The following TPRG1 variants were observed in gnomAD, a reference collection of about 807,000 sequenced individuals.
TPRG1 encodes tumor protein p63-regulated gene 1 protein.
Under a neutral mutation model 29.3 loss-of-function variants are expected in TPRG1, and 29 were observed. The observed-to-expected ratio is 0.99, with a 90% CI of 0.74 to 1.35. The LOEUF (loss-of-function observed/expected upper bound fraction) is 1.35, where lower values mean the gene tolerates loss of function less well. TPRG1 is among the 40% of genes most tolerant of loss of function. The probability of loss-of-function intolerance (pLI) is 0.00; values close to 1 mark genes in which losing one functional copy is unlikely to be tolerated. For synonymous variants in TPRG1, 130 were observed against 116.8 expected, an observed-to-expected ratio of 1.11 and a Z score of -0.73; for missense variants, 327 against 335.0, an observed-to-expected ratio of 0.98 and a Z score of 0.19.
At chr3:189,024,227 C>T (rs1051286816) in intron 4 of TPRG1, among the ~76,000 whole-genome samples, 1 of 152,164 alleles carries the variant, frequency 6.6e-6, no homozygotes, top group African/African-American at 2.4e-5. Context: ...GAGAACCTTC[C>T]CCGTGAGGAG....
chr3:189,037,522 G>A (rs539214070), intron 4 of TPRG1, among the ~76,000 whole-genome samples: 274 of 151,990 alleles, frequency 1.8e-3, no homozygotes, highest in Non-Finnish European at 3.3e-3. Context: ...ACAACTTTCA[G>A]TAAGTATTTT....
chr3:189,251,892 T>G (rs543071496), intron 4 of TPRG1, among the ~76,000 whole-genome samples: 1 of 152,154 alleles, frequency 6.6e-6, no homozygotes, highest in Non-Finnish European at 1.5e-5. Flanking sequence ...CTTCCTCTTA[T>G]ACTAATCCTC....
At chr3:189,270,473 G>T (rs909601690) in intron 4 of TPRG1, among the ~76,000 whole-genome samples, 4 of 152,210 alleles carry the variant, frequency 2.6e-5, no homozygotes, top group African/African-American at 4.8e-5. Context: ...TGGCAGTGCT[G>T]GAGGCTGCAG....
At chr3:189,205,464 A>C (rs55968275) in intron 1 of TPRG1, among the ~76,000 whole-genome samples, 9,269 of 152,270 alleles carry the variant, frequency 0.061, 728 homozygotes, top group African/African-American at 0.18. Context: ...AAAATTAGCT[A>C]ATAAATTATA....
chr3:189,184,156 G>C (rs1730606342), intron 1 of TPRG1, among the ~76,000 whole-genome samples: 1 of 152,068 alleles, frequency 6.6e-6, no homozygotes, highest in Admixed American at 6.6e-5. Flanking sequence ...GATGAACTTA[G>C]AGCTCTATCA....
At chr3:189,081,035 A>C (rs1469971654) in intron 4 of TPRG1, among the ~76,000 whole-genome samples, 1 of 152,098 alleles carries the variant, frequency 6.6e-6, no homozygotes, top group Admixed American at 6.6e-5. Context: ...CTCTTTATAG[A>C]AGATGAAGGT....
intron 4 of TPRG1, among the ~76,000 whole-genome samples, chr3:189,087,404 T>C (rs1366638777): frequency 6.6e-6 from 1 of 152,212 alleles, no homozygotes; most frequent in Non-Finnish European, 1.5e-5. Context: ...TTCTGGATAT[T>C]AGCCCTTTGT....
chr3:189,287,818 G>A (rs1718325571), intron 4 of TPRG1, among the ~76,000 whole-genome samples: 1 of 152,030 alleles, frequency 6.6e-6, no homozygotes, highest in Non-Finnish European at 1.5e-5. Flanking sequence ...ACTCAAATGT[G>A]TTTATTTTTT....
chr3:189,214,449 A>G (rs752162157), intron 2 of TPRG1, among the ~76,000 whole-genome samples: 4 of 151,844 alleles, frequency 2.6e-5, no homozygotes, highest in Non-Finnish European at 4.4e-5. Context: ...GAAAATTGTC[A>G]TAGAATCCTA....
chr3:189,283,718 C>T (rs1344492536), intron 4 of TPRG1, among the ~76,000 whole-genome samples: 1 of 152,128 alleles, frequency 6.6e-6, no homozygotes, highest in Non-Finnish European at 1.5e-5. Flanking sequence ...GGATTATCAC[C>T]ATATCATTTT....
intron 3 of TPRG1, among the ~76,000 whole-genome samples, chr3:189,006,120 C>A (rs73890940): frequency 1.3e-5 from 2 of 151,970 alleles, no homozygotes; most frequent in Admixed American, 6.6e-5. Context: ...GGTAAAACTA[C>A]GAAGCGTATT....
At chr3:189,046,899 A>G (rs939287301) in intron 4 of TPRG1, among the ~76,000 whole-genome samples, 1 of 152,202 alleles carries the variant, frequency 6.6e-6, no homozygotes, top group Non-Finnish European at 1.5e-5. Flanking sequence ...AAAAACAACA[A>G]CAACAACCAC....
chr3:189,209,831 G>A (rs146119801), intron 2 of TPRG1, among the ~76,000 whole-genome samples: 2 of 152,260 alleles, frequency 1.3e-5, no homozygotes, highest in East Asian at 1.9e-4. Flanking sequence ...TCAAAAGCTT[G>A]TGAGGGATCT....
chr3:189,278,511 C>T (rs1716548343), intron 4 of TPRG1, among the ~76,000 whole-genome samples: 1 of 152,158 alleles, frequency 6.6e-6, no homozygotes, highest in African/African-American at 2.4e-5. Flanking sequence ...TGAACAATGC[C>T]AATTTCTATC....
At chr3:189,216,558 G>A (rs1361359243) in intron 3 of TPRG1, among the ~76,000 whole-genome samples, 1 of 152,196 alleles carries the variant, frequency 6.6e-6, no homozygotes, top group Admixed American at 6.5e-5. Context: ...TGTATCTGAA[G>A]AATTCTTGAG....
upstream of TPRG1, among the ~76,000 whole-genome samples, chr3:189,166,988 C>T (rs1465478989): frequency 6.6e-6 from 1 of 152,136 alleles, no homozygotes; most frequent in African/African-American, 2.4e-5. Context: ...GGAGATAATC[C>T]AAAATTAATG....
upstream of TPRG1, among the ~76,000 whole-genome samples, chr3:189,096,212 C>G (rs1230747911): frequency 6.6e-6 from 1 of 152,242 alleles, no homozygotes; most frequent in Non-Finnish European, 1.5e-5. Context: ...CTTCCTTCTC[C>G]TGTCCTGGGG....
chr3:189,009,818 G>T (rs1031497124), intron 3 of TPRG1, among the ~76,000 whole-genome samples: 1 of 151,268 alleles, frequency 6.6e-6, no homozygotes, highest in African/African-American at 2.4e-5. Flanking sequence ...TAAGTTCAGG[G>T]GTACATGTGC....
chr3:189,311,431 A>G (rs6784306), intron 5 of TPRG1, among the ~76,000 whole-genome samples: 75,245 of 152,012 alleles, frequency 0.49, 19,103 homozygotes, highest in Middle Eastern at 0.56. Flanking sequence ...CATATATTAC[A>G]TTTCTTGCAT....
Sources: gnomAD v4.1 joint callset for allele counts (sites outside exome capture counted in the v4.1 genomes callset) on GRCh38, gnomAD v4.1.1 for gene constraint, MANE v1.5 for transcripts, NCBI Gene and HGNC (gene_info 2026-07-23, HGNC 2026-07-21) for gene names.